The following PPARGC1A variants were observed in gnomAD, a reference collection of about 807,000 sequenced individuals.
PPARGC1A encodes PPARG coactivator 1 alpha, also known as peroxisome proliferator-activated receptor gamma coactivator 1-alpha.
PPARGC1A carries 25 observed loss-of-function variants against 88.7 expected under a neutral mutation model. The observed-to-expected ratio is 0.28, with a 90% CI of 0.21 to 0.39. PPARGC1A has a LOEUF of 0.39. Among genes scored for constraint, PPARGC1A ranks in the 10% least tolerant of loss-of-function variants. The pLI is 1.00. For missense variants in PPARGC1A, 880 were observed against 968.7 expected, an observed-to-expected ratio of 0.91 and a Z score of 1.22; for synonymous variants, 363 against 355.6, an observed-to-expected ratio of 1.02 and a Z score of -0.24.
At chr4:24,132,959 G>A in the PPARGC1A span, among the ~76,000 whole-genome samples, 1 of 152,050 alleles carries the variant, frequency 6.6e-6, no homozygotes, top group African/African-American at 2.4e-5. Context: ...GATGCTATGG[G>A]ATTTTTACCC....
At chr4:24,045,723 C>T in the PPARGC1A span, among the ~76,000 whole-genome samples, 2 of 152,160 alleles carry the variant, frequency 1.3e-5, no homozygotes, top group African/African-American at 4.8e-5. Flanking sequence ...ATTTGATTAA[C>T]TATGAAAAGA....
chr4:23,834,154 G>T (rs1725571003), intron 2 of PPARGC1A, among the ~76,000 whole-genome samples: 1 of 152,070 alleles, frequency 6.6e-6, no homozygotes. Context: ...AAAAAAATTA[G>T]CCAGGCGTGG....
chr4:24,326,054 C>T, the PPARGC1A span, among the ~76,000 whole-genome samples: 22 of 152,274 alleles, frequency 1.4e-4, no homozygotes, highest in African/African-American at 4.6e-4. Context: ...TCTTCCCAAT[C>T]CAAAGCCTCC....
At chr4:24,093,459 C>T in the PPARGC1A span, among the ~76,000 whole-genome samples, 6 of 152,312 alleles carry the variant, frequency 3.9e-5, no homozygotes, top group Non-Finnish European at 7.4e-5. Context: ...AAAACAGACA[C>T]ATGCAAAACC....
At chr4:24,197,526 A>G in the PPARGC1A span, among the ~76,000 whole-genome samples, 1 of 152,200 alleles carries the variant, frequency 6.6e-6, no homozygotes, top group South Asian at 2.1e-4. Flanking sequence ...GAATAATTTA[A>G]CATGCAAACT....
the PPARGC1A span, among the ~76,000 whole-genome samples, chr4:24,328,397 A>G: frequency 6.6e-6 from 1 of 152,156 alleles, no homozygotes; most frequent in Non-Finnish European, 1.5e-5. Context: ...GTCATGGACA[A>G]TATGATTAGG....
chr4:24,443,948 G>A, the PPARGC1A span, among the ~76,000 whole-genome samples: 1 of 152,082 alleles, frequency 6.6e-6, no homozygotes, highest in Non-Finnish European at 1.5e-5. Context: ...TACTACACTT[G>A]CCCAAGCAAA....
chr4:23,844,327 A>G (rs1371288148), intron 2 of PPARGC1A, among the ~76,000 whole-genome samples: 1 of 76,350 alleles, frequency 1.3e-5, no homozygotes, highest in East Asian at 2.6e-4. Flanking sequence ...TAGAATAATC[A>G]TAAACTATAT....
the PPARGC1A span, among the ~76,000 whole-genome samples, chr4:23,949,401 GCGGCTGGC>G: frequency 6.6e-6 from 1 of 152,138 alleles, no homozygotes; most frequent in Non-Finnish European, 1.5e-5. Flanking sequence ...CGTACAGGTA[GCGGCTGGC>G]TATAGCTGCC....
At chr4:24,050,148 A>G in the PPARGC1A span, among the ~76,000 whole-genome samples, 1 of 150,658 alleles carries the variant, frequency 6.6e-6, no homozygotes. Flanking sequence ...TTATACGGCT[A>G]GAGTTTAGTG....
At chr4:24,385,557 G>T in the PPARGC1A span, among the ~76,000 whole-genome samples, 1 of 151,916 alleles carries the variant, frequency 6.6e-6, no homozygotes, top group Non-Finnish European at 1.5e-5. Flanking sequence ...TGATAAAGAG[G>T]ATATCACCAC....
the PPARGC1A span, among the ~76,000 whole-genome samples, chr4:24,111,166 T>G: frequency 1.3e-5 from 2 of 152,196 alleles, no homozygotes; most frequent in African/African-American, 4.8e-5. Context: ...GTGTATTTAT[T>G]AAACACCTAT....
chr4:23,994,622 T>C, the PPARGC1A span, among the ~76,000 whole-genome samples: 1 of 152,042 alleles, frequency 6.6e-6, no homozygotes, highest in South Asian at 2.1e-4. Flanking sequence ...TTCCTTGCAA[T>C]ATGCCCCATT....
At chr4:24,365,835 T>C in the PPARGC1A span, among the ~76,000 whole-genome samples, 2 of 152,200 alleles carry the variant, frequency 1.3e-5, no homozygotes, top group Non-Finnish European at 2.9e-5. Flanking sequence ...CAGCCTCCTA[T>C]GCACATTCAC....
At chr4:24,257,094 C>A in the PPARGC1A span, among the ~76,000 whole-genome samples, 2 of 152,048 alleles carry the variant, frequency 1.3e-5, no homozygotes, top group African/African-American at 2.4e-5. Flanking sequence ...AAGTAGAACC[C>A]AAGGCAGAGA....
At chr4:24,417,907 C>A in the PPARGC1A span, among the ~76,000 whole-genome samples, 1 of 151,946 alleles carries the variant, frequency 6.6e-6, no homozygotes, top group African/African-American at 2.4e-5. Context: ...GGTAAAAGTT[C>A]AAAAACATAC....
chr4:24,046,034 T>C, the PPARGC1A span, among the ~76,000 whole-genome samples: 9 of 152,106 alleles, frequency 5.9e-5, no homozygotes, highest in African/African-American at 2.2e-4. Context: ...AATGAACAAA[T>C]ATTGTGAGTA....
chr4:24,434,517 T>G, the PPARGC1A span, among the ~76,000 whole-genome samples: 4 of 152,166 alleles, frequency 2.6e-5, no homozygotes, highest in Admixed American at 2.6e-4. Context: ...CCAGGCGATA[T>G]CAGCTGCCAC....
At chr4:24,101,167 C>A in the PPARGC1A span, among the ~76,000 whole-genome samples, 1 of 152,178 alleles carries the variant, frequency 6.6e-6, no homozygotes, top group East Asian at 1.9e-4. Context: ...AATGGATTAG[C>A]ACCATCCCCC....
Sources: allele counts gnomAD v4.1 joint callset (sites outside exome capture counted in the v4.1 genomes callset), GRCh38; gene constraint gnomAD v4.1.1; transcripts MANE v1.5; gene names NCBI Gene and HGNC (gene_info 2026-07-23, HGNC 2026-07-21).